Variants in SORT1 observed in about 807,000 individuals in gnomAD.
SORT1 encodes the protein sortilin.
SORT1 carries 39 observed loss-of-function variants against 101.7 expected under a neutral mutation model. That is an observed-to-expected ratio of 0.38 (90% CI 0.30 to 0.50). The LOEUF is 0.50. SORT1 is among the 20% of genes least tolerant of loss of function. The pLI is 0.90. For synonymous variants in SORT1, 396 were observed against 393.7 expected, an observed-to-expected ratio of 1.01 and a Z score of -0.07; for missense variants, 878 against 1,040.4, an observed-to-expected ratio of 0.84 and a Z score of 2.15.
At chr1:109,321,538 G>A (rs990420838) in intron 15 of SORT1, among the ~76,000 whole-genome samples, 1 of 152,184 alleles carries the variant, frequency 6.6e-6, no homozygotes, top group South Asian at 2.1e-4. Flanking sequence ...AACACCAAAG[G>A]TGATCCTTAC....
intron 3 of SORT1, among the ~76,000 whole-genome samples, chr1:109,362,741 T>G (rs1044872747): frequency 6.6e-6 from 1 of 151,988 alleles, no homozygotes; most frequent in South Asian, 2.1e-4. Context: ...TTTACGTGTA[T>G]AGAAGTGAAG....
At chr1:109,335,770 G>A (rs1052073664) in intron 11 of SORT1, among the ~76,000 whole-genome samples, 3 of 152,048 alleles carry the variant, frequency 2.0e-5, no homozygotes, top group African/African-American at 2.4e-5. Context: ...GCTGCCTTGC[G>A]TCCCTGTGCA....
intron 1 of SORT1, among the ~76,000 whole-genome samples, chr1:109,372,831 G>A (rs960149874): frequency 6.6e-6 from 1 of 151,540 alleles, no homozygotes; most frequent in African/African-American, 2.4e-5. Flanking sequence ...CCTGGGAGGC[G>A]GAGCTTGCAG....
At position 109,397,849 on chromosome 1, in the gene SORT1, G is replaced by C. The variant is rs540491066; in HGVS notation, c.44C>G (p.Pro15Arg). ...WGAADGLSRW[P>R]HGLGLLLLLQ... is the part of the protein sequence containing the mutation. Reference sequence around the variant, plus strand: ...GAGGAGGAGGAGGCCGAGGCCATGGGGCCAGCGCGAGAGGCCGTCCGCAGC... The same window carrying C: ...GAGGAGGAGGAGGCCGAGGCCATGGCGCCAGCGCGAGAGGCCGTCCGCAGC... Residue 15 changes from proline to arginine, a missense_variant, in exon 1 of 20, where the codon CCC becomes CGC. Pro to Arg is a moderately radical substitution (Grantham distance 103). This residue lies in a region of SORT1 where 194 missense variants were observed against 145.9 expected (regional missense o/e 1.33). Coordinates refer to ENST00000256637, the MANE Select transcript of SORT1 (RefSeq NM_002959.7). 51 of 1,292,748 alleles carry C rather than the reference G, an allele frequency of 3.9e-5. No homozygotes were observed. In the African/African-American group the frequency reaches 6.9e-4, roughly 17 times the overall value. The allele number at this position is 1,292,748 out of a possible 1,614,324, so 80.1% of individuals were successfully genotyped here. A position where few individuals can be genotyped will look rare whatever the true frequency, so the allele number is the denominator to read the frequency against.
intron 1 of SORT1, among the ~76,000 whole-genome samples, chr1:109,388,238 A>AT (rs1652701012): frequency 6.6e-6 from 1 of 151,632 alleles, no homozygotes; most frequent in South Asian, 2.1e-4. Flanking sequence ...CCCCTAATAA[A>AT]TTTTTTTGTA....
At chr1:109,355,638 T>TCCCCCCCCCCCCCCCCCCCCC (rs779609132) in intron 3 of SORT1, among the ~76,000 whole-genome samples, 169 bp from the exon 4 acceptor site, 1 of 41,278 alleles carries the variant, frequency 2.4e-5, no homozygotes, top group Non-Finnish European at 4.4e-5. Context: ...CGAAGAACAT[T>TCCCCCCCCCCCCCCCCCCCCC]CCACCCGCCC....
intron 5 of SORT1, among the ~76,000 whole-genome samples, chr1:109,353,887 G>A (rs555161277): frequency 2.6e-5 from 4 of 152,288 alleles, no homozygotes; most frequent in East Asian, 1.9e-4. Flanking sequence ...GTATAGGAAC[G>A]TGGTAGGGAG....
At chr1:109,315,020 G>A (rs1342414626) in intron 17 of SORT1, among the ~76,000 whole-genome samples, 6 of 152,138 alleles carry the variant, frequency 3.9e-5, no homozygotes, top group African/African-American at 1.4e-4. Context: ...TGGTTTAAAT[G>A]TCAAAGTTAC....
intron 15 of SORT1, 31 bp downstream of exon 15, chr1:109,322,901 G>A: frequency 1.3e-6 from 2 of 1,565,576 alleles, no homozygotes; most frequent in Non-Finnish European, 1.8e-6. Flanking sequence ...ACAGGGAAAG[G>A]GAGACAGAGA....
intron 14 of SORT1, 32 bp from the exon 15 acceptor site, chr1:109,323,153 C>G (rs1647754061): frequency 3.8e-6 from 6 of 1,571,948 alleles, no homozygotes; most frequent in Non-Finnish European, 5.2e-6. Context: ...CAGGAAAGTA[C>G]ACAGCACAGA....
In SORT1 at chr1:109,327,129, A is replaced by C; in HGVS notation, c.1506T>G (p.Val502=). The C allele has an allele frequency of 1.2e-6, 2 of 1,613,686 alleles. No individual in the cohort carries two copies. The highest frequency in any genetic ancestry group is 8.5e-7 in the Non-Finnish European group (1 of 1,179,808). The part of the protein sequence containing the change: ...GSVGDAISVM[V]PDVYISDDGG... ...CATCATCTGAGATGTACACATCTGG[A>C]ACCATCACTGAGATGGCATCCCCCA... Residue 502 remains valine, a synonymous_variant, in exon 13 of 20, where the codon GTT becomes GTG. Transcript: ENST00000256637.
intron 3 of SORT1, 110 bp downstream of exon 3, chr1:109,367,298 C>T (rs371866453): frequency 1.5e-6 from 1 of 658,196 alleles, no homozygotes; most frequent in East Asian, 2.7e-5. Context: ...CTTAGGATGG[C>T]TAGAAGATCT....
chr1:109,385,439 A>C (rs1005386827), intron 1 of SORT1, among the ~76,000 whole-genome samples: 2 of 152,258 alleles, frequency 1.3e-5, no homozygotes, highest in African/African-American at 2.4e-5. Flanking sequence ...TTAGTTTTTG[A>C]AAGTCACTTC....
At position 109,369,599 on chromosome 1, in the gene SORT1, GA is replaced by G. The variant is rs10708090; in HGVS notation, c.307-11del. The G allele has an allele frequency of 4.5e-3, 7,132 of 1,588,092 alleles. 252 individuals are homozygous for G. In the African/African-American group the frequency reaches 0.08, roughly 18 times the overall value. ...GATCATCAAACACATGCTATAAGGG[GA>G]AAAAAAATTAATTTAGAAATGACAG... On this transcript the variant is annotated splice_polypyrimidine_tract_variant and intron_variant, in intron 1 of 19. Coordinates refer to ENST00000256637, the MANE Select transcript of SORT1 (RefSeq NM_002959.7).
chr1:109,343,708 G>A (rs60005610), intron 8 of SORT1, among the ~76,000 whole-genome samples: 3,615 of 152,198 alleles, frequency 0.024, 149 homozygotes, highest in African/African-American at 0.083. Context: ...GAGTGCAGTG[G>A]CATGATCTTG....
chr1:109,317,881 C>T lies in SORT1; in HGVS notation c.2113G>A (p.Gly705Arg), dbSNP rs1239877805. The T allele has an allele frequency of 4.3e-6, 7 of 1,613,402 alleles. No homozygotes were observed. The highest frequency in any genetic ancestry group is 1.3e-5 in the African/African-American group (1 of 74,904). The change falls in exon 16 of 20, where the codon GGA becomes AGA. Residue 705 changes from glycine (G) to arginine (R), a missense_variant. Transcript: ENST00000256637. ...TTTGTTGTTAGGTGTTCTTCTCTTCCGTACAGACAAAACTCCAGGTCGTGG... is the reference window on the plus strand; with the variant it reads ...TTTGTTGTTAGGTGTTCTTCTCTTCTGTACAGACAAAACTCCAGGTCGTGG... ...KGHDLEFCLYGREEHLTTNGY... is the reference protein window; with the variant it reads ...KGHDLEFCLYRREEHLTTNGY...
At chr1:109,352,304 A>C (rs1186922073) in intron 5 of SORT1, among the ~76,000 whole-genome samples, 1 of 152,148 alleles carries the variant, frequency 6.6e-6, no homozygotes, top group Non-Finnish European at 1.5e-5. Context: ...TAAGAGTGGA[A>C]GAGAATGCTC....
chr1:109,378,758 ATAT>A (rs1652037413), intron 1 of SORT1, among the ~76,000 whole-genome samples: 3 of 79,456 alleles, frequency 3.8e-5, no homozygotes, highest in African/African-American at 4.9e-5. Context: ...ATATATATAT[ATAT>A]AAAGATGTTA....
intron 1 of SORT1, among the ~76,000 whole-genome samples, chr1:109,386,975 T>C (rs1168660011): frequency 6.6e-6 from 1 of 152,084 alleles, no homozygotes; most frequent in Non-Finnish European, 1.5e-5. Flanking sequence ...GGAAGAAAAA[T>C]TGTTATTAAA....
Sources: allele counts gnomAD v4.1 joint callset (sites outside exome capture counted in the v4.1 genomes callset), GRCh38; gene constraint gnomAD v4.1.1; regional missense constraint gnomAD v4.1.1; transcripts MANE v1.5; gene names NCBI Gene and HGNC (gene_info 2026-07-23, HGNC 2026-07-21).